Variants in SLCO6A1 observed in about 807,000 individuals in gnomAD.
SLCO6A1 encodes the protein cancer/testis antigen 48.
SLCO6A1 carries 65 observed loss-of-function variants against 72.7 expected under a neutral mutation model. The observed-to-expected ratio is 0.89, with a 90% CI of 0.73 to 1.10. SLCO6A1 has a LOEUF of 1.10. SLCO6A1 is among the 50% of genes least tolerant of loss of function. The pLI is 0.00. For missense variants in SLCO6A1, 874 were observed against 872.6 expected (o/e 1.00, Z -0.02); for synonymous variants, 314 against 298.2 (o/e 1.05, Z -0.55).
intron 6 of SLCO6A1, among the ~76,000 whole-genome samples, chr5:102,440,860 T>C (rs1007113864): frequency 2.0e-5 from 3 of 152,240 alleles, no homozygotes; most frequent in Non-Finnish European, 2.9e-5. Context: ...AGTACCACAA[T>C]GCTTTGTTTC....
chr5:102,386,961 A>G (rs1472899958), intron 12 of SLCO6A1, among the ~76,000 whole-genome samples: 3 of 152,154 alleles, frequency 2.0e-5, no homozygotes, highest in African/African-American at 7.2e-5. Context: ...ATGTGAAATT[A>G]TACTTCCTAC....
intron 6 of SLCO6A1, among the ~76,000 whole-genome samples, chr5:102,453,350 A>AG (rs1321428980): frequency 7.9e-5 from 12 of 151,586 alleles, no homozygotes; most frequent in African/African-American, 2.9e-4. Context: ...AAAAAAAAAA[A>AG]AAAGAAAGAA....
chr5:102,493,285 C>G (rs1752767540), intron 1 of SLCO6A1, among the ~76,000 whole-genome samples: 1 of 151,980 alleles, frequency 6.6e-6, no homozygotes, highest in Admixed American at 6.6e-5. Context: ...CAGCAATACG[C>G]AGAAAAAGAC....
At chr5:102,429,282 T>C (rs1407175427) in intron 7 of SLCO6A1, among the ~76,000 whole-genome samples, 3 of 152,236 alleles carry the variant, frequency 2.0e-5, no homozygotes, top group Non-Finnish European at 4.4e-5. Context: ...TAGTTTCTTT[T>C]GCTGTGCAGA....
chr5:102,423,561 A>C (rs1748725537), intron 7 of SLCO6A1, among the ~76,000 whole-genome samples: 1 of 152,228 alleles, frequency 6.6e-6, no homozygotes, highest in Non-Finnish European at 1.5e-5. Flanking sequence ...GGATCAATGC[A>C]ACAAGAGCTA....
chr5:102,465,316 T>G (rs1382035812), intron 4 of SLCO6A1, among the ~76,000 whole-genome samples: 7 of 28,136 alleles, frequency 2.5e-4, no homozygotes, highest in African/African-American at 6.5e-4. Flanking sequence ...AGTTAGTGGA[T>G]ATATATATAT....
At chr5:102,384,725 A>T (rs1435744013) in intron 12 of SLCO6A1, among the ~76,000 whole-genome samples, 1 of 152,162 alleles carries the variant, frequency 6.6e-6, no homozygotes, top group Non-Finnish European at 1.5e-5. Flanking sequence ...TACATTTAAA[A>T]ATGATTTAAT....
At chr5:102,396,013 T>C (rs1437700031) in intron 10 of SLCO6A1, among the ~76,000 whole-genome samples, 1 of 151,812 alleles carries the variant, frequency 6.6e-6, no homozygotes, top group African/African-American at 2.4e-5. Context: ...CTGATGGTAG[T>C]TTCTTTTGCT....
At chr5:102,438,520 A>T in intron 7 of SLCO6A1, 97 bp downstream of exon 7, 1 of 986,010 alleles carries the variant, frequency 1.0e-6, no homozygotes, top group Non-Finnish European at 1.4e-6. Flanking sequence ...ATCTAGGTAT[A>T]TAATTCTTTA....
chr5:102,423,141 G>C (rs1748698784), intron 7 of SLCO6A1, among the ~76,000 whole-genome samples: 1 of 152,006 alleles, frequency 6.6e-6, no homozygotes, highest in Non-Finnish European at 1.5e-5. Flanking sequence ...AATATGGGAA[G>C]GAAAAACTAG....
chr5:102,480,246 G>A lies in SLCO6A1; in HGVS notation c.547C>T (p.Leu183Phe). The part of the protein sequence containing the change: ...WFVASSFLIG[L>F]GSLLCAFPSI... ...GGAAAAGCACATAAAAGTGATCCAA[G>A]TCCTATTAAAAAGGAGGAAGCTACA... The change falls in exon 2 of 14, where the codon CTT becomes TTT. Residue 183 changes from leucine (L) to phenylalanine (F), a missense_variant. Transcript: ENST00000506729. 1.2e-6 allele frequency: 2 copies of A among 1,612,670 alleles called. No individual in the cohort carries two copies. Among genetic ancestry groups the A allele is most frequent in the Non-Finnish European group, 1.7e-6 (2 of 1,179,076 alleles).
Position 102,388,768 on chromosome 5 carries a change from C to T in SLCO6A1, c.1937G>A (p.Arg646Gln), listed in dbSNP as rs72779942. 0.014 allele frequency: 22,989 copies of T among 1,607,492 alleles called. 202 individuals are homozygous for T. Among genetic ancestry groups the T allele is most frequent in the Non-Finnish European group, 0.017 (19,777 of 1,177,776 alleles). Residue 646 changes from arginine (R) to glutamine (Q), a missense_variant, in exon 12 of 14, where the codon CGG becomes CAG. Transcript: ENST00000506729. The part of the protein sequence containing the change: ...KMSGETSCIL[R>Q]DVNKCGHTGR... ...TGTGTGTCCACATTTATTAACATCC[C>T]GTAAAATACAAGAAGTTTCTCCTGA...
intron 10 of SLCO6A1, among the ~76,000 whole-genome samples, chr5:102,398,192 ATTT>A (rs934285628): frequency 1.3e-5 from 2 of 151,518 alleles, no homozygotes; most frequent in African/African-American, 4.9e-5. Flanking sequence ...CCTCTTATTT[ATTT>A]TTTTTCAGAG....
At chr5:102,472,689 GA>G (rs1466130741) in intron 4 of SLCO6A1, among the ~76,000 whole-genome samples, 1 of 151,922 alleles carries the variant, frequency 6.6e-6, no homozygotes, top group Admixed American at 6.6e-5. Context: ...ACAAAACAAA[GA>G]GATGGTTTTT....
In SLCO6A1 at chr5:102,395,287, G is replaced by A. The variant is rs1256420302; in HGVS notation, c.1815-4242C>T. On this transcript the variant is annotated intron_variant, in intron 10 of 13. Transcript: ENST00000506729. ...TTCCCACCTATGAGTGAGAACATGC[G>A]GTGTTTGGTTTTCTGTCCTTGTGAT... 4.6e-5 allele frequency among the ~76,000 whole-genome samples: 7 copies of A among 151,636 alleles called. No individual in the cohort carries two copies. The East Asian group carries it at 5.8e-4, about 13-fold the overall frequency.
At chr5:102,458,200 A>G (rs1039567538) in intron 6 of SLCO6A1, among the ~76,000 whole-genome samples, 182 bp downstream of exon 6, 3 of 152,122 alleles carry the variant, frequency 2.0e-5, no homozygotes, top group African/African-American at 7.2e-5. Flanking sequence ...ATGTATACAT[A>G]TGTAACTAAC....
chr5:102,424,657 A>G (rs578059005), intron 7 of SLCO6A1, among the ~76,000 whole-genome samples: 1 of 152,152 alleles, frequency 6.6e-6, no homozygotes, highest in Non-Finnish European at 1.5e-5. Flanking sequence ...AAAGCCCAGG[A>G]TCAGATGGAT....
chr5:102,405,903 A>G (rs1747644120), intron 9 of SLCO6A1, among the ~76,000 whole-genome samples: 1 of 152,110 alleles, frequency 6.6e-6, no homozygotes, highest in African/African-American at 2.4e-5. Flanking sequence ...GGGGAAAAGT[A>G]AAGGTACATA....
At chr5:102,422,129 C>T (rs1387860279) in intron 7 of SLCO6A1, among the ~76,000 whole-genome samples, 1 of 152,130 alleles carries the variant, frequency 6.6e-6, no homozygotes, top group Non-Finnish European at 1.5e-5. Context: ...TCATCGGCAT[C>T]AAAGATCAAA....
Sources: gnomAD v4.1 joint callset for allele counts (sites outside exome capture counted in the v4.1 genomes callset) on GRCh38, gnomAD v4.1.1 for gene constraint, MANE v1.5 for transcripts, NCBI Gene and HGNC (gene_info 2026-07-23, HGNC 2026-07-21) for gene names.